Variants in L3MBTL3 observed in about 807,000 individuals in gnomAD.
L3MBTL3 encodes the protein L3MBTL histone methyl-lysine binding protein 3, also known as lethal(3)malignant brain tumor-like protein 3.
L3MBTL3 carries 27 observed loss-of-function variants against 102.3 expected under a neutral mutation model. That is an observed-to-expected ratio of 0.26 (90% CI 0.19 to 0.36). The LOEUF is 0.36. Ranked by LOEUF, L3MBTL3 falls within the 10% of genes least tolerant of loss-of-function variation. The pLI, the probability that L3MBTL3 is intolerant of heterozygous loss-of-function variation, is 1.00. For synonymous variants in L3MBTL3, 340 were observed against 320.9 expected, an observed-to-expected ratio of 1.06 and a Z score of -0.64; for missense variants, 798 against 955.3, an observed-to-expected ratio of 0.84 and a Z score of 2.17.
At chr6:130,038,560 A>G (rs1310887213) in intron 2 of L3MBTL3, among the ~76,000 whole-genome samples, 2 of 152,106 alleles carry the variant, frequency 1.3e-5, no homozygotes, top group African/African-American at 4.8e-5. Flanking sequence ...GGCCATTTGT[A>G]TGTCCCCTTT....
chr6:130,027,464 G>A (rs898251295), intron 2 of L3MBTL3, among the ~76,000 whole-genome samples: 1 of 152,082 alleles, frequency 6.6e-6, no homozygotes, highest in African/African-American at 2.4e-5. Context: ...ATTCCTAGGT[G>A]GTCAATCTGG....
intron 22 of L3MBTL3, chr6:130,137,553 CA>C (rs1030664297): frequency 1.3e-5 from 2 of 151,786 alleles, no homozygotes; most frequent in African/African-American, 4.8e-5. Context: ...AACAACCTAC[CA>C]AAATGTATCC....
intron 20 of L3MBTL3, among the ~76,000 whole-genome samples, chr6:130,128,987 G>A (rs1786822979): frequency 6.6e-6 from 1 of 152,142 alleles, no homozygotes; most frequent in African/African-American, 2.4e-5. Context: ...GCCAGTGAAT[G>A]TTTGAAATTT....
chr6:130,020,308 C>A (rs1266744514), intron 1 of L3MBTL3, among the ~76,000 whole-genome samples: 1 of 147,150 alleles, frequency 6.8e-6, no homozygotes, highest in South Asian at 2.2e-4. Flanking sequence ...CCGCGCGCCC[C>A]GCGAGCTGGT....
intron 20 of L3MBTL3, among the ~76,000 whole-genome samples, chr6:130,130,563 T>C (rs1333259219): frequency 6.6e-6 from 1 of 152,216 alleles, no homozygotes; most frequent in Non-Finnish European, 1.5e-5. Context: ...AGTTACTCCG[T>C]ATTTTGCTAC....
At chr6:130,090,306 T>G (rs1295406144) in intron 16 of L3MBTL3, among the ~76,000 whole-genome samples, 1 of 152,176 alleles carries the variant, frequency 6.6e-6, no homozygotes, top group East Asian at 1.9e-4. Context: ...TTCTAGTTGT[T>G]TTCTAATACA....
chr6:130,075,418 G>C (rs1010624989), intron 13 of L3MBTL3, among the ~76,000 whole-genome samples: 1 of 152,126 alleles, frequency 6.6e-6, no homozygotes, highest in African/African-American at 2.4e-5. Flanking sequence ...TTTTGGCCCA[G>C]GGGTAGGATG....
intron 20 of L3MBTL3, among the ~76,000 whole-genome samples, chr6:130,131,450 T>C (rs1221151747): frequency 6.6e-6 from 1 of 152,180 alleles, no homozygotes; most frequent in African/African-American, 2.4e-5. Context: ...TGTACACACA[T>C]GCTGCGACCT....
chr6:130,072,550 A>G (rs1214113794), intron 13 of L3MBTL3, among the ~76,000 whole-genome samples: 4 of 152,154 alleles, frequency 2.6e-5, no homozygotes, highest in Admixed American at 1.3e-4. Flanking sequence ...AAAGTTTTTC[A>G]TTGAAATACA....
chr6:130,063,468 T>G (rs553701461), intron 10 of L3MBTL3, among the ~76,000 whole-genome samples: 55 of 152,304 alleles, frequency 3.6e-4, no homozygotes, highest in African/African-American at 1.3e-3. Context: ...TTTTCATTAT[T>G]CGCAGTAGTT....
chr6:130,135,744 T>C (rs923438851), intron 22 of L3MBTL3, among the ~76,000 whole-genome samples: 3 of 152,256 alleles, frequency 2.0e-5, no homozygotes, highest in African/African-American at 7.2e-5. Context: ...TTCATTCATT[T>C]ACTCCTTCAT....
At chr6:130,132,998 CT>C (rs60028333) in intron 20 of L3MBTL3, among the ~76,000 whole-genome samples, 66,251 of 151,878 alleles carry the variant, frequency 0.44, 16,462 homozygotes, top group East Asian at 0.75. Flanking sequence ...AAACCAAGCC[CT>C]GAGACAAAAG....
intron 19 of L3MBTL3, among the ~76,000 whole-genome samples, chr6:130,111,967 C>T (rs78253032): frequency 1.7e-3 from 261 of 152,336 alleles, no homozygotes; most frequent in East Asian, 5.4e-3. Context: ...TCTGCAGGCT[C>T]TTTTTTCAAC....
intron 18 of L3MBTL3, among the ~76,000 whole-genome samples, chr6:130,094,684 T>G (rs1784257071): frequency 6.6e-6 from 1 of 152,148 alleles, no homozygotes; most frequent in Admixed American, 6.5e-5. Flanking sequence ...GAGGGGAGAC[T>G]CCGTTGATAT....
chr6:130,115,434 T>C (rs1248621387), intron 19 of L3MBTL3, among the ~76,000 whole-genome samples: 2 of 152,196 alleles, frequency 1.3e-5, no homozygotes, highest in African/African-American at 2.4e-5. Flanking sequence ...AATCCCTAAA[T>C]TGGGGCAAAA....
At chr6:130,084,298 A>G (rs1194640519) in intron 15 of L3MBTL3, among the ~76,000 whole-genome samples, 1 of 152,154 alleles carries the variant, frequency 6.6e-6, no homozygotes, top group African/African-American at 2.4e-5. Flanking sequence ...TTTCATCTCA[A>G]ATAGCTTGCT....
intron 18 of L3MBTL3, among the ~76,000 whole-genome samples, chr6:130,103,229 CATT>C (rs931370541): frequency 1.3e-5 from 2 of 152,174 alleles, no homozygotes; most frequent in Admixed American, 6.5e-5. Flanking sequence ...GTTAAGCTAA[CATT>C]ATATAAATTT....
Position 130,051,422 on chromosome 6 carries a change from C to G in L3MBTL3, c.449+14C>G, listed in dbSNP as rs755831987. 5.0e-6 allele frequency: 8 copies of G among 1,604,982 alleles called. No individual in the cohort carries two copies. Among genetic ancestry groups the G allele is most frequent in the Admixed American group, 3.4e-5 (2 of 59,386 alleles). The stretch of plus-strand genomic sequence containing the variant: ...CATCAAAGATAAGTAGGTTTTTGCC[C>G]CATTCCATCTATAAATTGAGTTTTA... On this transcript the variant is annotated intron_variant, in intron 6 of 22. Coordinates refer to ENST00000361794, the MANE Select transcript of L3MBTL3 (RefSeq NM_032438.4).
At chr6:130,020,474 C>T (rs1008238864) in intron 1 of L3MBTL3, 1 of 152,260 alleles carries the variant, frequency 6.6e-6, no homozygotes, top group Non-Finnish European at 1.5e-5. Flanking sequence ...TCCCCCCTCC[C>T]CCAGTCCCGG....
Sources: allele counts gnomAD v4.1 joint callset (sites outside exome capture counted in the v4.1 genomes callset), GRCh38; gene constraint gnomAD v4.1.1; transcripts MANE v1.5; gene names NCBI Gene and HGNC (gene_info 2026-07-23, HGNC 2026-07-21).